The following TIAM1 variants were observed in gnomAD, a reference collection of about 807,000 sequenced individuals.
The protein encoded by TIAM1 is TIAM Rac1 associated GEF 1.
A neutral mutation model predicts 163.5 loss-of-function variants in TIAM1; 65 were observed. The ratio of observed to expected loss-of-function variants is 0.40; its 90% CI spans 0.33 to 0.49. The LOEUF (loss-of-function observed/expected upper bound fraction) is 0.49, where lower values mean the gene tolerates loss of function less well. TIAM1 is among the 20% of genes least tolerant of loss of function. The pLI is 0.77. For missense variants in TIAM1, 1,789 were observed against 2,044.7 expected, an observed-to-expected ratio of 0.87 and a Z score of 2.41; for synonymous variants, 833 against 810.1, an observed-to-expected ratio of 1.03 and a Z score of -0.48.
At chr21:31,551,161 C>A (rs2048672297) in intron 1 of TIAM1, among the ~76,000 whole-genome samples, 1 of 152,016 alleles carries the variant, frequency 6.6e-6, no homozygotes, top group Non-Finnish European at 1.5e-5. Context: ...TTGCAGTGAG[C>A]CAAGATCATG....
intron 11 of TIAM1, among the ~76,000 whole-genome samples, chr21:31,208,440 T>C (rs745800109): frequency 1.7e-4 from 26 of 152,220 alleles, no homozygotes; most frequent in Non-Finnish European, 2.9e-4. Context: ...TTAATGGGTC[T>C]CTAAAGAATT....
chr21:31,428,666 T>G (rs2147273430), intron 2 of TIAM1, among the ~76,000 whole-genome samples: 1 of 152,200 alleles, frequency 6.6e-6, no homozygotes, highest in South Asian at 2.1e-4. Context: ...GCAAATGGCT[T>G]GAGGCCAGGA....
chr21:31,353,865 GTCTC>G (rs2076275444), intron 2 of TIAM1, among the ~76,000 whole-genome samples: 1 of 51,592 alleles, frequency 1.9e-5, no homozygotes, highest in African/African-American at 5.3e-5. Context: ...TTGAGACAGA[GTCTC>G]ACTCTGTTGC....
chr21:31,257,484 G>T (rs192850560), intron 4 of TIAM1, among the ~76,000 whole-genome samples: 76 of 152,136 alleles, frequency 5.0e-4, no homozygotes, highest in Non-Finnish European at 8.8e-4. Flanking sequence ...CTATGTATGT[G>T]CTTATACCTT....
intron 1 of TIAM1, among the ~76,000 whole-genome samples, chr21:31,514,749 C>T (rs1028003204): frequency 1.3e-5 from 2 of 152,292 alleles, no homozygotes; most frequent in Admixed American, 6.5e-5. Context: ...AAACCTCCAG[C>T]GTTCTGAACT....
chr21:31,369,941 C>T (rs923258015), intron 2 of TIAM1, among the ~76,000 whole-genome samples: 5 of 152,102 alleles, frequency 3.3e-5, no homozygotes, highest in Admixed American at 2.0e-4. Flanking sequence ...GCCAAGATCG[C>T]GCCACTGCAC....
In TIAM1 at chr21:31,357,606, T is replaced by A. The variant is rs149019287; in HGVS notation, c.-368-18184A>T. The stretch of plus-strand genomic sequence containing the variant: ...CCTCCACATCATCAAATTATAACTA[T>A]GAAAATTTGCTGCTTTCTCCCTCTC... On this transcript the variant is annotated intron_variant, in intron 2 of 28. Transcript: ENST00000286827. Among the ~76,000 whole-genome samples the A allele has an allele frequency of 2.1e-3, 322 of 152,282 alleles. 4 individuals are homozygous for A. The highest frequency in any genetic ancestry group is 1.5e-3 in the Non-Finnish European group (100 of 68,024).
In TIAM1 at chr21:31,225,669, A is replaced by AC. The variant is rs1212500281; in HGVS notation, c.1809+56_1809+57insG. The AC allele has an allele frequency of 9.6e-6, 14 of 1,459,006 alleles. No homozygotes were observed. In the East Asian group the frequency reaches 3.2e-4, roughly 33 times the overall value. The allele number at this position is 1,459,006 out of a possible 1,614,324, so 90.4% of individuals were successfully genotyped here. A position where few individuals can be genotyped will look rare whatever the true frequency, so the allele number is the denominator to read the frequency against. The stretch of plus-strand genomic sequence containing the variant: ...ATTCCAAAACAGCAAAAAAAAAAAA[A>AC]AACCCTTTTAGAGACCTAACAATTT... On this transcript the variant is annotated intron_variant, in intron 7 of 27. Coordinates refer to ENST00000541036, the MANE Select transcript of TIAM1 (RefSeq NM_001353694.2).
intron 4 of TIAM1, among the ~76,000 whole-genome samples, chr21:31,262,755 T>C (rs533117737): frequency 6.6e-6 from 1 of 152,308 alleles, no homozygotes; most frequent in South Asian, 2.1e-4. Flanking sequence ...AAAATGTGTT[T>C]TCTTCCAGGC....
intron 2 of TIAM1, among the ~76,000 whole-genome samples, chr21:31,381,737 T>C (rs1343969289): frequency 6.6e-6 from 1 of 151,970 alleles, no homozygotes; most frequent in Non-Finnish European, 1.5e-5. Flanking sequence ...GAGGCTGTGG[T>C]GGGAGCATCA....
intron 2 of TIAM1, among the ~76,000 whole-genome samples, 151 bp downstream of exon 2, chr21:31,339,092 G>A (rs921775112): frequency 6.6e-6 from 1 of 152,190 alleles, no homozygotes; most frequent in African/African-American, 2.4e-5. Context: ...CAAGTGGGGA[G>A]ACTCAGCAAC....
rs2072202486 is a variant in TIAM1, at chr21:31,257,823, T to A, written c.964-5634A>T. Among the ~76,000 whole-genome samples, 4 of 152,046 alleles carry A rather than the reference T, an allele frequency of 2.6e-5. No homozygotes were observed. In the South Asian group the frequency reaches 8.3e-4, roughly 32 times the overall value. On this transcript the variant is annotated intron_variant, in intron 4 of 27. Transcript: ENST00000541036. ...CTCCCAAGAATACTCACGTCCCCCC[T>A]TTTACTACAACCAGAAGGCTTCTCT...
chr21:31,265,234 C>A (rs1601756065), intron 4 of TIAM1, among the ~76,000 whole-genome samples: 2 of 113,772 alleles, frequency 1.8e-5, no homozygotes, highest in Admixed American at 1.2e-4. Flanking sequence ...GAGATGGAGT[C>A]TCGCTTTTGT....
chr21:31,374,942 TA>T (rs1193700751), intron 2 of TIAM1, among the ~76,000 whole-genome samples: 1 of 152,216 alleles, frequency 6.6e-6, no homozygotes, highest in Non-Finnish European at 1.5e-5. Context: ...AAGTTTGGCA[TA>T]GATTCAGTGA....
chr21:31,210,665 GAAAAAGAAAGAAAGAAAGAA>G (rs1243873206), intron 10 of TIAM1, among the ~76,000 whole-genome samples: 342 of 18,554 alleles, frequency 0.018, 21 homozygotes, highest in Admixed American at 0.032. Context: ...AAGAAAGAAA[GAAAAAGAAAGAAAGAAAGAA>G]AAAGAAAGAA....
chr21:31,480,746 C>T (rs1282730190), intron 1 of TIAM1, among the ~76,000 whole-genome samples: 12 of 152,086 alleles, frequency 7.9e-5, no homozygotes, highest in Non-Finnish European at 1.5e-5. Flanking sequence ...TTCATTCATT[C>T]GTTTGTTCAT....
intron 1 of TIAM1, among the ~76,000 whole-genome samples, chr21:31,512,730 G>A (rs192375864): frequency 7.5e-5 from 11 of 147,370 alleles, no homozygotes; most frequent in Admixed American, 2.8e-4. Flanking sequence ...CAATCCTCCC[G>A]CCTCAGACTC....
Position 31,195,303 on chromosome 21 carries a change from C to T in TIAM1, c.2496G>A (p.Leu832=). The change falls in exon 13 of 28, where the codon CTG becomes CTA. Residue 832 remains leucine, a splice_region_variant and synonymous_variant. Coordinates refer to ENST00000541036, the MANE Select transcript of TIAM1 (RefSeq NM_001353694.2). ...TTGGACAGATTTCAATTTCTTTGTA[C>T]AGCTGAAAGTTACAAAGGGGAATCT... ...PQPEEDIYEL[L]YKEIEICPKV... 2 of 1,608,648 alleles carry T rather than the reference C, an allele frequency of 1.2e-6. No homozygotes were observed. The highest frequency in any genetic ancestry group is 1.7e-6 in the Non-Finnish European group (2 of 1,176,182).
chr21:31,195,218 AC>A lies in TIAM1; in HGVS notation c.2575+5del. 2 of 1,605,138 alleles carry A rather than the reference AC, an allele frequency of 1.2e-6. No homozygotes were observed. The highest frequency in any genetic ancestry group is 1.7e-6 in the Non-Finnish European group (2 of 1,173,338). ...TTAAAACACAAACAAAGAAAAATAA[AC>A]TTACCGTAAGTATCAGCAGCTGTAT... On this transcript the variant is annotated splice_donor_5th_base_variant and intron_variant, in intron 13 of 27. Transcript: ENST00000541036.
Sources: gnomAD v4.1 joint callset for allele counts (sites outside exome capture counted in the v4.1 genomes callset) on GRCh38, gnomAD v4.1.1 for gene constraint, MANE v1.5 for transcripts, NCBI Gene and HGNC (gene_info 2026-07-23, HGNC 2026-07-21) for gene names.